Variants in HS2ST1 observed in about 807,000 individuals in gnomAD.
HS2ST1 encodes the protein 2-O-sulfotransferase.
In HS2ST1, 18 loss-of-function variants were observed where a neutral mutation model predicts 42.9. The ratio of observed to expected loss-of-function variants is 0.42; its 90% CI spans 0.29 to 0.62. HS2ST1 has a LOEUF of 0.62. Among genes scored for constraint, HS2ST1 ranks in the 20% least tolerant of loss-of-function variants. The pLI is 0.21. For synonymous variants in HS2ST1, 146 were observed against 152.9 expected, an observed-to-expected ratio of 0.95 and a Z score of 0.33; for missense variants, 334 against 433.8, an observed-to-expected ratio of 0.77 and a Z score of 2.04.
chr1:86,922,723 C>T (rs914666599), intron 1 of HS2ST1, among the ~76,000 whole-genome samples: 5 of 152,008 alleles, frequency 3.3e-5, no homozygotes, highest in South Asian at 2.1e-4. Flanking sequence ...CTATATGTAG[C>T]GTGTCTTTTA....
intron 1 of HS2ST1, among the ~76,000 whole-genome samples, chr1:86,979,419 C>T (rs1648516131): frequency 6.6e-6 from 1 of 152,158 alleles, no homozygotes; most frequent in South Asian, 2.1e-4. Context: ...GTGAATTTGA[C>T]TATTCCAGAT....
intron 1 of HS2ST1, among the ~76,000 whole-genome samples, chr1:87,052,396 A>G (rs924705378): frequency 1.3e-5 from 2 of 152,224 alleles, no homozygotes; most frequent in African/African-American, 4.8e-5. Context: ...GAATGTTCCT[A>G]GATGAATATC....
intron 1 of HS2ST1, among the ~76,000 whole-genome samples, chr1:87,062,711 C>A (rs1239845301): frequency 6.6e-6 from 1 of 151,700 alleles, no homozygotes; most frequent in African/African-American, 2.4e-5. Flanking sequence ...TTTTTTTAGC[C>A]AGTCTTTTAG....
In HS2ST1 at chr1:86,920,971, A is replaced by G. The variant is rs528243482; in HGVS notation, c.124+5811A>G. ...TTTTAAGTGTTTTCACCATACCAAA[A>G]AAAAAAGTATGTGAGGTAATGCATG... On this transcript the variant is annotated intron_variant, in intron 1 of 6. Transcript: ENST00000370550. 3.9e-5 allele frequency among the ~76,000 whole-genome samples: 6 copies of G among 152,184 alleles called. No homozygotes were observed. In the South Asian group the frequency reaches 1.2e-3, roughly 32 times the overall value.
In HS2ST1 at chr1:86,954,307, C is replaced by A. The variant is rs141831786; in HGVS notation, c.124+39147C>A. Among the ~76,000 whole-genome samples the A allele has an allele frequency of 9.7e-3, 1,469 of 152,108 alleles. 22 individuals carry two copies. The highest frequency in any genetic ancestry group is 0.013 in the South Asian group (63 of 4,820). Reference sequence around the variant, plus strand: ...GAGGTTGCAGTGAGCCAAGATCGTGCCATTGCACTCCAGCCTGGGTGACAG... The same window carrying A: ...GAGGTTGCAGTGAGCCAAGATCGTGACATTGCACTCCAGCCTGGGTGACAG... On this transcript the variant is annotated intron_variant, in intron 1 of 6. Coordinates refer to ENST00000370550, the MANE Select transcript of HS2ST1 (RefSeq NM_012262.4).
intron 1 of HS2ST1, among the ~76,000 whole-genome samples, chr1:86,951,508 C>T (rs1647516478): frequency 6.6e-6 from 1 of 151,842 alleles, no homozygotes; most frequent in Non-Finnish European, 1.5e-5. Flanking sequence ...AGAAACAATG[C>T]ACATATCTAA....
chr1:86,963,808 C>G (rs1463665072), intron 1 of HS2ST1, among the ~76,000 whole-genome samples: 3 of 145,772 alleles, frequency 2.1e-5, no homozygotes, highest in South Asian at 2.2e-4. Context: ...ACCTCCCCCC[C>G]TGGACGGGGC....
rs371089813 is a variant in HS2ST1 at position 86,990,407 on chromosome 1, C to T, written c.124+75247C>T. On this transcript the variant is annotated intron_variant, in intron 1 of 6. Transcript: ENST00000370550. Reference sequence around the variant, plus strand: ...TCAGAAATTAAGCATCACATTTTTACGTTGAATCTTGGTTTTGCCTCTCAG... The same window carrying T: ...TCAGAAATTAAGCATCACATTTTTATGTTGAATCTTGGTTTTGCCTCTCAG... 4.6e-5 allele frequency among the ~76,000 whole-genome samples: 7 copies of T among 152,158 alleles called. No individual in the cohort carries two copies. In the East Asian group the frequency reaches 7.8e-4, roughly 17 times the overall value.
chr1:86,915,601 C>A (rs539859234), intron 1 of HS2ST1, among the ~76,000 whole-genome samples: 69 of 152,244 alleles, frequency 4.5e-4, no homozygotes, highest in African/African-American at 1.5e-3. Context: ...GATACGAATT[C>A]TTTTGGGGGC....
At chr1:86,959,095 A>C (rs941117195) in intron 1 of HS2ST1, among the ~76,000 whole-genome samples, 26 of 152,210 alleles carry the variant, frequency 1.7e-4, no homozygotes, top group African/African-American at 6.0e-4. Flanking sequence ...CCTCAACTTG[A>C]TAAAGAAAAT....
chr1:87,032,129 T>C (rs553834351), intron 1 of HS2ST1, among the ~76,000 whole-genome samples: 124 of 152,314 alleles, frequency 8.1e-4, no homozygotes, highest in African/African-American at 2.9e-3. Flanking sequence ...ATAATTGCTC[T>C]TAAATATATC....
At chr1:86,947,079 G>A (rs1647361627) in intron 1 of HS2ST1, among the ~76,000 whole-genome samples, 1 of 152,206 alleles carries the variant, frequency 6.6e-6, no homozygotes, top group Non-Finnish European at 1.5e-5. Flanking sequence ...AGAATGACAT[G>A]AAGTGGGCTG....
chr1:87,004,463 A>G (rs1420894071), intron 1 of HS2ST1, among the ~76,000 whole-genome samples: 1 of 152,166 alleles, frequency 6.6e-6, no homozygotes, highest in African/African-American at 2.4e-5. Context: ...TTTACACAAA[A>G]GTCTATTTTT....
At chr1:86,985,517 T>C (rs200886966) in intron 1 of HS2ST1, among the ~76,000 whole-genome samples, 2 of 55,750 alleles carry the variant, frequency 3.6e-5, no homozygotes, top group African/African-American at 9.9e-5. Context: ...CACATATATA[T>C]ACACATATAT....
chr1:86,919,023 C>T (rs925645964), intron 1 of HS2ST1, among the ~76,000 whole-genome samples: 1 of 151,574 alleles, frequency 6.6e-6, no homozygotes, highest in African/African-American at 2.4e-5. Flanking sequence ...GTCACCCAGG[C>T]TGGAGTGCAG....
intron 1 of HS2ST1, among the ~76,000 whole-genome samples, chr1:87,054,610 T>C (rs549720557): frequency 3.6e-4 from 55 of 152,306 alleles, no homozygotes; most frequent in African/African-American, 1.2e-3. Context: ...CTTCCTCTAG[T>C]ATGTTTTTAT....
At chr1:87,029,799 A>G (rs375990372) in intron 1 of HS2ST1, among the ~76,000 whole-genome samples, 2 of 152,186 alleles carry the variant, frequency 1.3e-5, no homozygotes, top group Non-Finnish European at 2.9e-5. Flanking sequence ...ATTTATCCAG[A>G]TGAGGAAGTC....
At chr1:86,996,967 T>C (rs2100565374) in intron 1 of HS2ST1, among the ~76,000 whole-genome samples, 1 of 152,230 alleles carries the variant, frequency 6.6e-6, no homozygotes, top group East Asian at 1.9e-4. Context: ...TTAGGCCATA[T>C]ATATATATAC....
chr1:87,090,198 A>G (rs1183100757), intron 3 of HS2ST1, among the ~76,000 whole-genome samples: 1 of 152,014 alleles, frequency 6.6e-6, no homozygotes, highest in Non-Finnish European at 1.5e-5. Context: ...TGGCTAATTC[A>G]CAACGGTCTC....
Sources: gnomAD v4.1 joint callset for allele counts (sites outside exome capture counted in the v4.1 genomes callset) on GRCh38, gnomAD v4.1.1 for gene constraint, MANE v1.5 for transcripts, NCBI Gene and HGNC (gene_info 2026-07-23, HGNC 2026-07-21) for gene names.